The following WWOX variants were observed in gnomAD, a reference collection of about 807,000 sequenced individuals.
The protein encoded by WWOX is WW domain containing oxidoreductase.
In WWOX, 69 loss-of-function variants were observed where a neutral mutation model predicts 46.2. That is an observed-to-expected ratio of 1.49 (90% CI 1.23 to 1.82). The LOEUF is 1.82. Ranked by LOEUF, WWOX falls within the 40% of genes most tolerant of loss-of-function variation. The probability of loss-of-function intolerance (pLI) is 0.00; values close to 1 mark genes in which losing one functional copy is unlikely to be tolerated. For synonymous variants in WWOX, 359 were observed against 202.6 expected, an observed-to-expected ratio of 1.77 and a Z score of -6.56; for missense variants, 919 against 542.6, an observed-to-expected ratio of 1.69 and a Z score of -6.89.
At chr16:78,578,570 G>C (rs1272048280) in intron 8 of WWOX, among the ~76,000 whole-genome samples, 2 of 151,780 alleles carry the variant, frequency 1.3e-5, no homozygotes, top group South Asian at 2.1e-4. Flanking sequence ...TTACAGGCGT[G>C]AGCCACCGCG....
intron 8 of WWOX, among the ~76,000 whole-genome samples, chr16:78,802,202 G>GTTT (rs60554747): frequency 1.7e-4 from 16 of 96,764 alleles, no homozygotes; most frequent in East Asian, 5.9e-4. Flanking sequence ...GTTTGTTTAG[G>GTTT]TTTTTTTTTT....
intron 8 of WWOX, among the ~76,000 whole-genome samples, chr16:78,654,201 G>C (rs1432780019): frequency 6.6e-6 from 1 of 151,598 alleles, no homozygotes; most frequent in East Asian, 1.9e-4. Context: ...CACCTGGGTG[G>C]GCGATTTGAA....
At chr16:78,178,863 C>A (rs1347536595) in intron 5 of WWOX, among the ~76,000 whole-genome samples, 48 of 138,842 alleles carry the variant, frequency 3.5e-4, no homozygotes, top group African/African-American at 3.7e-4. Context: ...GATTCCGTCT[C>A]AAAAAAAAAA....
intron 8 of WWOX, among the ~76,000 whole-genome samples, chr16:78,932,992 A>C (rs983181603): frequency 6.6e-6 from 1 of 152,176 alleles, no homozygotes; most frequent in African/African-American, 2.4e-5. Context: ...CGTCCTGTCC[A>C]TACCTTGGGA....
At chr16:78,928,969 A>G (rs778948983) in intron 8 of WWOX, among the ~76,000 whole-genome samples, 4 of 152,232 alleles carry the variant, frequency 2.6e-5, no homozygotes, top group Non-Finnish European at 5.9e-5. Flanking sequence ...CTTTACATGT[A>G]TGCATGCATA....
At chr16:78,857,775 T>G (rs557488456) in intron 8 of WWOX, among the ~76,000 whole-genome samples, 1 of 152,300 alleles carries the variant, frequency 6.6e-6, no homozygotes, top group African/African-American at 2.4e-5. Context: ...AAGTTTTCCT[T>G]TACAGGAGAA....
At chr16:78,471,355 A>G (rs2084215388) in intron 8 of WWOX, among the ~76,000 whole-genome samples, 1 of 152,212 alleles carries the variant, frequency 6.6e-6, no homozygotes. Flanking sequence ...TGTAACAGGC[A>G]TCTCTCACCT....
intron 8 of WWOX, among the ~76,000 whole-genome samples, chr16:78,882,234 G>A (rs2044357844): frequency 6.6e-6 from 1 of 152,182 alleles, no homozygotes; most frequent in South Asian, 2.1e-4. Flanking sequence ...CATGTGTATA[G>A]TATGTTATAG....
At chr16:78,400,399 G>T (rs1014065145) in intron 6 of WWOX, among the ~76,000 whole-genome samples, 1 of 152,176 alleles carries the variant, frequency 6.6e-6, no homozygotes, top group African/African-American at 2.4e-5. Context: ...CGGTTCCCCA[G>T]CTTGGCTGTG....
chr16:78,586,195 G>GA (rs1428631363), intron 8 of WWOX, among the ~76,000 whole-genome samples: 5 of 152,000 alleles, frequency 3.3e-5, no homozygotes, highest in South Asian at 2.1e-4. Flanking sequence ...TGTTTCTTAA[G>GA]AAAAAAGAAA....
At chr16:78,818,109 C>G (rs2051390088) in intron 8 of WWOX, among the ~76,000 whole-genome samples, 1 of 152,162 alleles carries the variant, frequency 6.6e-6, no homozygotes, top group African/African-American at 2.4e-5. Flanking sequence ...TGTGGCCAGG[C>G]TTTTATAAAC....
At chr16:78,600,068 C>T (rs373329980) in intron 8 of WWOX, among the ~76,000 whole-genome samples, 1 of 152,102 alleles carries the variant, frequency 6.6e-6, no homozygotes, top group Non-Finnish European at 1.5e-5. Flanking sequence ...TCATATCTTA[C>T]ATGGTTGGCA....
chr16:78,491,356 C>G (rs1436682198), intron 8 of WWOX, among the ~76,000 whole-genome samples: 1 of 152,178 alleles, frequency 6.6e-6, no homozygotes, highest in East Asian at 1.9e-4. Context: ...CCTGTTTAAC[C>G]TTGGCCTGAC....
intron 8 of WWOX, among the ~76,000 whole-genome samples, chr16:78,690,694 T>A (rs1479925598): frequency 6.6e-6 from 1 of 152,174 alleles, no homozygotes; most frequent in East Asian, 1.9e-4. Flanking sequence ...TCCCTCCATC[T>A]GGGTGCTTTC....
At chr16:78,768,919 G>C (rs528609068) in intron 8 of WWOX, among the ~76,000 whole-genome samples, 1 of 152,294 alleles carries the variant, frequency 6.6e-6, no homozygotes, top group African/African-American at 2.4e-5. Flanking sequence ...GCGCCATGGT[G>C]TAGGGGAGGA....
intron 8 of WWOX, among the ~76,000 whole-genome samples, chr16:78,895,199 A>C (rs2044674968): frequency 6.6e-6 from 1 of 152,214 alleles, no homozygotes; most frequent in Non-Finnish European, 1.5e-5. Context: ...ATCACTTTTA[A>C]AGAATCTGGG....
intron 8 of WWOX, among the ~76,000 whole-genome samples, chr16:78,911,839 C>T (rs12931310): frequency 1.3e-5 from 2 of 151,794 alleles, no homozygotes; most frequent in South Asian, 4.1e-4. Context: ...GCATTCCAGC[C>T]TGGGTGACAG....
At chr16:78,405,137 T>A (rs2082496933) in intron 6 of WWOX, among the ~76,000 whole-genome samples, 1 of 152,088 alleles carries the variant, frequency 6.6e-6, no homozygotes, top group African/African-American at 2.4e-5. Flanking sequence ...TTTAAGGAAA[T>A]GACAAAAACA....
intron 8 of WWOX, among the ~76,000 whole-genome samples, chr16:78,995,979 G>C (rs2046980613): frequency 1.3e-5 from 2 of 152,152 alleles, no homozygotes; most frequent in African/African-American, 4.8e-5. Flanking sequence ...GGAAGTAGAG[G>C]CCAGCTTGGA....
Sources: allele counts gnomAD v4.1 joint callset (sites outside exome capture counted in the v4.1 genomes callset), GRCh38; gene constraint gnomAD v4.1.1; transcripts MANE v1.5; gene names NCBI Gene and HGNC (gene_info 2026-07-23, HGNC 2026-07-21).